The following SPG7 variants were observed in gnomAD, a reference collection of about 807,000 sequenced individuals.
The protein encoded by SPG7 is mitochondrial inner membrane m-AAA protease component paraplegin.
SPG7 carries 103 observed loss-of-function variants against 81.9 expected under a neutral mutation model. The observed-to-expected ratio is 1.26, with a 90% CI of 1.07 to 1.48. SPG7 has a LOEUF of 1.48. Among genes scored for constraint, SPG7 ranks in the 40% most tolerant of loss-of-function variants. The pLI, the probability that SPG7 is intolerant of heterozygous loss-of-function variation, is 0.00. For missense variants in SPG7, 1,241 were observed against 1,087.3 expected (o/e 1.14, Z -1.99); for synonymous variants, 534 against 444.2 (o/e 1.20, Z -2.54).
chr16:89,551,089 T>C, intron 13 of SPG7: 1 of 228,074 alleles, frequency 4.4e-6, no homozygotes, highest in East Asian at 9.9e-5. Flanking sequence ...AAAAAACTAC[T>C]CTTGTAGGCA....
At chr16:89,530,990 C>G (rs2058334132) in intron 7 of SPG7, 182 bp downstream of exon 7, 3 of 781,756 alleles carry the variant, frequency 3.8e-6, no homozygotes, top group African/African-American at 3.4e-5. Flanking sequence ...CAGCACAAGC[C>G]TCGTGCACAT....
intron 1 of SPG7, chr16:89,508,872 C>T (rs551776587): frequency 3.1e-6 from 2 of 646,778 alleles, no homozygotes; most frequent in Admixed American, 4.2e-5. Flanking sequence ...GGATGTTCTC[C>T]GCCCGTCTTC....
chr16:89,509,708 G>T (rs572996703), intron 1 of SPG7, among the ~76,000 whole-genome samples: 1 of 152,226 alleles, frequency 6.6e-6, no homozygotes, highest in African/African-American at 2.4e-5. Flanking sequence ...CCTTTGGAGA[G>T]CTGGGCTGCT....
intron 9 of SPG7, chr16:89,537,827 C>G: frequency 1.1e-6 from 1 of 943,194 alleles, no homozygotes; most frequent in Non-Finnish European, 1.3e-6. Flanking sequence ...CCAGTGTGAC[C>G]CGGGACACCC....
At chr16:89,538,282 T>G (rs970720119) in intron 9 of SPG7, 1 of 152,104 alleles carries the variant, frequency 6.6e-6, no homozygotes, top group Non-Finnish European at 1.5e-5. Context: ...CACACCCACA[T>G]AGCCAGGGCA....
At chr16:89,510,092 A>C (rs1451485426) in intron 1 of SPG7, among the ~76,000 whole-genome samples, 1 of 151,980 alleles carries the variant, frequency 6.6e-6, no homozygotes, top group Non-Finnish European at 1.5e-5. Context: ...CTCCTGCCTC[A>C]GCTTCCTGAG....
intron 7 of SPG7, chr16:89,531,240 C>T (rs368001631): frequency 7.1e-5 from 24 of 340,264 alleles, no homozygotes; most frequent in African/African-American, 4.5e-4. Flanking sequence ...GTTCCCTCTG[C>T]AGGCCTGGTA....
chr16:89,544,560 C>G (rs573154444), intron 9 of SPG7, 88 bp from the exon 10 acceptor site: 84 of 1,520,534 alleles, frequency 5.5e-5, no homozygotes, highest in Non-Finnish European at 7.3e-5. Context: ...GTCTCTCTCC[C>G]TCCTGTGTCC....
chr16:89,531,185 G>A lies in SPG7; in HGVS notation c.987+377G>A, dbSNP rs553205626. 3.0e-5 allele frequency: 11 copies of A among 363,956 alleles called. 1 individual carries two copies. The highest frequency in any genetic ancestry group is 1.8e-4 in the South Asian group (8 of 45,594). 22.5% of individuals were successfully genotyped at this position (363,956 alleles called of 1,614,324 possible). A position where few individuals can be genotyped will look rare whatever the true frequency, so the allele number is the denominator to read the frequency against. On this transcript the variant is annotated intron_variant, in intron 7 of 16. Coordinates refer to ENST00000645818, the MANE Select transcript of SPG7 (RefSeq NM_003119.4). ...CACGTTTCCTCCGCGGGCCTGGTAC[G>A]GTGGGTCGCACCTGTAGTCCTGGCA... is the stretch of plus-strand genomic sequence containing the variant.
chr16:89,541,131 C>T (rs2058490471), intron 9 of SPG7: 1 of 979,848 alleles, frequency 1.0e-6, no homozygotes, highest in African/African-American at 1.8e-5. Context: ...CTGGTGTATC[C>T]TTATCACGGT....
Position 89,548,074 on chromosome 16 carries a change from A to G in SPG7, c.1624A>G (p.Thr542Ala), listed in dbSNP as rs1567929622. The G allele has an allele frequency of 6.2e-7, 1 of 1,610,138 alleles. No homozygotes were observed. The change falls in exon 12 of 17, where the codon ACT (threonine) becomes GCT (alanine). Residue 542 changes from threonine to alanine, a missense_variant. By Grantham distance (58) the Thr-to-Ala change is moderately conservative. Transcript: ENST00000645818. ...GCGGGAGGGACACACTTCCGTGCAC[A>G]CTCTCAACTTCGAGTACGCCGTGGA... is the stretch of plus-strand genomic sequence containing the variant. Reference protein sequence around the residue: ...AAREGHTSVHTLNFEYAVERV... With the variant: ...AAREGHTSVHALNFEYAVERV...
intron 7 of SPG7, 114 bp downstream of exon 7, chr16:89,530,922 G>T: frequency 6.9e-7 from 1 of 1,442,526 alleles, no homozygotes. Context: ...TGGGTTGGCG[G>T]TGACCTCTAC....
chr16:89,526,668 G>C, intron 5 of SPG7, 200 bp downstream of exon 5: 2 of 583,812 alleles, frequency 3.4e-6, no homozygotes, highest in Non-Finnish European at 6.1e-6. Flanking sequence ...GTATCCATGG[G>C]GGCTGGTTCT....
At chr16:89,508,723 G>A in intron 1 of SPG7, 123 bp downstream of exon 1, 2 of 1,040,162 alleles carry the variant, frequency 1.9e-6, no homozygotes, top group South Asian at 1.4e-5. Context: ...CTGTGGGCCC[G>A]CGGATCCCCC....
intron 16 of SPG7, chr16:89,556,091 GCTTC>G (rs2058685577): frequency 2.5e-6 from 1 of 398,862 alleles, no homozygotes; most frequent in Non-Finnish European, 4.4e-6. Context: ...TGCAGGCAAG[GCTTC>G]TCACTGGCTG....
At chr16:89,534,460 G>A (rs899424323) in intron 9 of SPG7, among the ~76,000 whole-genome samples, 1 of 152,240 alleles carries the variant, frequency 6.6e-6, no homozygotes, top group Non-Finnish European at 1.5e-5. Context: ...AGCATCTTCT[G>A]AAGTCTCTGC....
chr16:89,553,202 C>T (rs2058654304), intron 14 of SPG7, 67 bp downstream of exon 14: 2 of 1,427,344 alleles, frequency 1.4e-6, no homozygotes, highest in African/African-American at 1.4e-5. Flanking sequence ...CCTTCTGTTC[C>T]AGTGCATGCC....
At chr16:89,521,881 G>GTAGC (rs2058192060) in intron 3 of SPG7, 1 of 152,228 alleles carries the variant, frequency 6.6e-6, no homozygotes, top group African/African-American at 2.4e-5. Flanking sequence ...GGCAGCTAGA[G>GTAGC]TAGCTGCTGG....
rs2058695609 is a variant in SPG7, at chr16:89,557,149, C to A, written c.*56C>A. On this transcript the variant is annotated 3_prime_UTR_variant, in exon 17 of 17. Transcript: ENST00000645818. ...TCCGGGAAGTGAGGGCTCACTCAGC[C>A]ACCCTGAGTTGCTTTTCAGCTGAGG... The A allele has an allele frequency of 7.9e-6, 11 of 1,387,070 alleles. No homozygotes were observed. The highest frequency in any genetic ancestry group is 9.2e-6 in the Non-Finnish European group (9 of 983,518). The allele number at this position is 1,387,070 out of a possible 1,614,324, so 85.9% of individuals were successfully genotyped here.
Sources: gnomAD v4.1 joint callset for allele counts (sites outside exome capture counted in the v4.1 genomes callset) on GRCh38, gnomAD v4.1.1 for gene constraint, MANE v1.5 for transcripts, NCBI Gene and HGNC (gene_info 2026-07-23, HGNC 2026-07-21) for gene names.